ZNF592: variants seen among roughly 807,000 people sequenced by gnomAD.
ZNF592 encodes zinc finger protein 592.
ZNF592 carries 11 observed loss-of-function variants against 80.3 expected under a neutral mutation model. The observed-to-expected ratio is 0.14, with a 90% CI of 0.09 to 0.23. The LOEUF is 0.23. ZNF592 is among the 10% of genes least tolerant of loss of function. The pLI is 1.00. For synonymous variants in ZNF592, 646 were observed against 640.3 expected (o/e 1.01, Z -0.13); for missense variants, 1,420 against 1,633.9 (o/e 0.87, Z 2.26).
chr15:84,783,178 A>T lies in ZNF592; in HGVS notation c.503A>T (p.Tyr168Phe). 6.2e-7 allele frequency: 1 copy of T among 1,614,120 alleles called. No homozygotes were observed. Among genetic ancestry groups the T allele is most frequent in the East Asian group, 2.2e-5 (1 of 44,866 alleles). The change falls in exon 4 of 11, where the codon TAT becomes TTT. Residue 168 changes from tyrosine (Y) to phenylalanine (F), a missense_variant. Transcript: ENST00000560079. This position sits in a 1 kb window ranked among gnomAD's most constrained non-coding sequence, Gnocchi z 5.0. ...ATAAAGCCCAAACACTCTGACAGTT[A>T]TTTCCCACCCCCTCTTGGGTGCGGG... ...FGIKPKHSDS[Y>F]FPPPLGCGAV...
intron 1 of ZNF592, among the ~76,000 whole-genome samples, chr15:84,759,959 C>G (rs1035142931): frequency 3.5e-4 from 15 of 43,460 alleles, no homozygotes; most frequent in Non-Finnish European, 4.9e-4. Flanking sequence ...GAGATTCCCC[C>G]CCCCCCCACC....
chr15:84,752,540 G>A (rs977282746), intron 1 of ZNF592, among the ~76,000 whole-genome samples: 2 of 152,208 alleles, frequency 1.3e-5, no homozygotes, highest in African/African-American at 4.8e-5. Flanking sequence ...TCATAGGTAT[G>A]AAAGCATGGA....
intron 10 of ZNF592, among the ~76,000 whole-genome samples, 156 bp from the exon 11 acceptor site, chr15:84,801,707 A>G (rs1015694948): frequency 6.6e-6 from 1 of 152,128 alleles, no homozygotes; most frequent in African/African-American, 2.4e-5. Context: ...ATTACAAAAC[A>G]AAGAATTGAA....
intron 1 of ZNF592, among the ~76,000 whole-genome samples, chr15:84,762,759 T>TA (rs1425225250): frequency 6.6e-6 from 1 of 152,202 alleles, no homozygotes; most frequent in Non-Finnish European, 1.5e-5. Context: ...TCTTCCACAG[T>TA]AATAAAAACT....
intron 1 of ZNF592, among the ~76,000 whole-genome samples, chr15:84,764,349 A>G (rs760694714): frequency 6.6e-6 from 1 of 152,184 alleles, no homozygotes; most frequent in Non-Finnish European, 1.5e-5. Flanking sequence ...AGCTTTATAA[A>G]TATTAACTCA....
chr15:84,760,927 G>A (rs551255053), intron 1 of ZNF592, among the ~76,000 whole-genome samples: 17 of 152,236 alleles, frequency 1.1e-4, no homozygotes, highest in African/African-American at 2.6e-4. Flanking sequence ...TGAAAGCCTG[G>A]CCCAGGGCTT....
At chr15:84,785,227 C>T (rs933604523) in intron 4 of ZNF592, among the ~76,000 whole-genome samples, 2 of 152,164 alleles carry the variant, frequency 1.3e-5, no homozygotes, top group Non-Finnish European at 2.9e-5. Context: ...GGTGTCAGCA[C>T]AGTCTTAGCA....
chr15:84,802,398 A>G lies in ZNF592; in HGVS notation c.*5A>G. 1 of 1,613,232 alleles carries G rather than the reference A, an allele frequency of 6.2e-7. No homozygotes were observed. The highest frequency in any genetic ancestry group is 8.5e-7 in the Non-Finnish European group (1 of 1,179,970). On this transcript the variant is annotated 3_prime_UTR_variant, in exon 11 of 11. Coordinates refer to ENST00000560079, the MANE Select transcript of ZNF592 (RefSeq NM_014630.3). The stretch of plus-strand genomic sequence containing the variant: ...ACACTGTCCCCTCAGGTGTGACCGG[A>G]GACTTTGCAGTGTGCATGGTCAGGG...
In ZNF592 at chr15:84,803,873, T is replaced by G. The variant is rs1165081946; in HGVS notation, c.*1480T>G. 2.0e-5 allele frequency: 3 copies of G among 152,224 alleles called. No homozygotes were observed. Among genetic ancestry groups the G allele is most frequent in the South Asian group, 2.1e-4 (1 of 4,820 alleles). 9.4% of individuals were successfully genotyped at this position (152,224 alleles called of 1,614,324 possible). On this transcript the variant is annotated 3_prime_UTR_variant, in exon 11 of 11. Coordinates refer to ENST00000560079, the MANE Select transcript of ZNF592 (RefSeq NM_014630.3). ...GGTGTCGTCTGACCTCTAACCCAGG[T>G]GGCATGGGGTTGCGCCCAGCAGGAT...
intron 2 of ZNF592, among the ~76,000 whole-genome samples, chr15:84,768,061 A>AT (rs71135308): frequency 0.033 from 4,476 of 137,478 alleles, 111 homozygotes; most frequent in Middle Eastern, 0.077. Flanking sequence ...TTTAATTTTA[A>AT]TTTTTTTTTT....
Position 84,778,167 on chromosome 15 carries a change from T to G in ZNF592, c.-149-16T>G, listed in dbSNP as rs1179004274. The G allele has an allele frequency of 6.5e-6, 1 of 154,270 alleles. No homozygotes were observed. Among genetic ancestry groups the G allele is most frequent in the Admixed American group, 6.5e-5 (1 of 15,318 alleles). The allele number at this position is 154,270 out of a possible 1,614,324, so 9.6% of individuals were successfully genotyped here. ...ATTGCTTTGTAAGGGCTTTTTGTTT[T>G]TGTTTTTGTTTTAAGGAGCGGAGAG... On this transcript the variant is annotated splice_polypyrimidine_tract_variant and intron_variant, in intron 2 of 10. Coordinates refer to ENST00000560079, the MANE Select transcript of ZNF592 (RefSeq NM_014630.3).
At chr15:84,796,048 C>T (rs1962885694) in intron 5 of ZNF592, among the ~76,000 whole-genome samples, 1 of 150,928 alleles carries the variant, frequency 6.6e-6, no homozygotes, top group East Asian at 1.9e-4. Flanking sequence ...ATGGTGAAAC[C>T]CCGTCTCTAC....
chr15:84,767,277 C>T (rs570985951), intron 2 of ZNF592, among the ~76,000 whole-genome samples: 2 of 152,282 alleles, frequency 1.3e-5, no homozygotes, highest in South Asian at 2.1e-4. Flanking sequence ...CCGCCCGCCT[C>T]GGCCTCCGAA....
At chr15:84,757,158 A>G (rs1315131905) in intron 1 of ZNF592, among the ~76,000 whole-genome samples, 2 of 151,982 alleles carry the variant, frequency 1.3e-5, no homozygotes, top group African/African-American at 4.8e-5. Context: ...GTCTTGCTAT[A>G]TTGACCAAGC....
At chr15:84,779,943 A>G (rs563433650) in intron 3 of ZNF592, among the ~76,000 whole-genome samples, 1 of 150,290 alleles carries the variant, frequency 6.7e-6, no homozygotes, top group South Asian at 2.1e-4. Flanking sequence ...GAGCTGGAAA[A>G]TCTATTCTGC....
At chr15:84,769,532 G>A (rs553022045) in intron 2 of ZNF592, among the ~76,000 whole-genome samples, 34 of 151,196 alleles carry the variant, frequency 2.2e-4, no homozygotes, top group Non-Finnish European at 4.7e-4. Flanking sequence ...AGGGAGTGGT[G>A]ACTGCAGAGG....
intron 1 of ZNF592, among the ~76,000 whole-genome samples, chr15:84,757,981 C>CT (rs1448791158): frequency 1.0e-4 from 13 of 126,154 alleles, no homozygotes; most frequent in East Asian, 2.5e-4. Context: ...TTTTTTTTTT[C>CT]TTTTTTTTTG....
At chr15:84,774,048 G>A (rs1316476078) in intron 2 of ZNF592, among the ~76,000 whole-genome samples, 1 of 152,256 alleles carries the variant, frequency 6.6e-6, no homozygotes, top group Non-Finnish European at 1.5e-5. Flanking sequence ...TGATTGAACA[G>A]TGTAGCTTAA....
At chr15:84,764,598 T>A (rs879854516) in intron 1 of ZNF592, 109 bp from the exon 2 acceptor site, 6 of 391,288 alleles carry the variant, frequency 1.5e-5, no homozygotes, top group Middle Eastern at 6.5e-4. Flanking sequence ...TCTCAGGGTC[T>A]TACTTACACT....
Sources: gnomAD v4.1 joint callset for allele counts (sites outside exome capture counted in the v4.1 genomes callset) on GRCh38, gnomAD v4.1.1 for gene constraint, Gnocchi (gnomAD v3.1) non-coding constraint, MANE v1.5 for transcripts, NCBI Gene and HGNC (gene_info 2026-07-23, HGNC 2026-07-21) for gene names.